LRP6: variants seen among roughly 807,000 people sequenced by gnomAD.
LRP6 encodes the protein low-density lipoprotein receptor-related protein 6.
A neutral mutation model predicts 184.1 loss-of-function variants in LRP6; 43 were observed. That is an observed-to-expected ratio of 0.23 (90% CI 0.18 to 0.30). The LOEUF (loss-of-function observed/expected upper bound fraction) is 0.30. Ranked by LOEUF, LRP6 falls within the 10% of genes least tolerant of loss-of-function variation. LRP6 has a pLI of 1.00. For missense variants in LRP6, 1,571 were observed against 2,005.3 expected, an observed-to-expected ratio of 0.78 and a Z score of 4.14; for synonymous variants, 719 against 684.9, an observed-to-expected ratio of 1.05 and a Z score of -0.78.
At position 12,117,646 on chromosome 12, in the gene LRP6, A is replaced by AT. The variant is rs1949536311; in HGVS notation, c.*3479dup. 1 of 152,228 alleles carries AT rather than the reference A, an allele frequency of 6.6e-6. No individual in the cohort carries two copies. The highest frequency in any genetic ancestry group is 1.5e-5 in the Non-Finnish European group (1 of 68,028). 9.4% of individuals were successfully genotyped at this position (152,228 alleles called of 1,614,324 possible). A position where few individuals can be genotyped will look rare whatever the true frequency, so the allele number is the denominator to read the frequency against. On this transcript the variant is annotated 3_prime_UTR_variant, in exon 23 of 23. Transcript: ENST00000261349. Reference sequence around the variant, plus strand: ...AACGCATACCTCTTCAGTCTCTATTATGACTACTGGTATCAAGTCACATAA... The same window carrying AT: ...AACGCATACCTCTTCAGTCTCTATTATTGACTACTGGTATCAAGTCACATAA...
chr12:12,170,988 A>AT (rs1863022171), intron 7 of LRP6, among the ~76,000 whole-genome samples: 1 of 152,182 alleles, frequency 6.6e-6, no homozygotes, highest in African/African-American at 2.4e-5. Flanking sequence ...GACCATAGAT[A>AT]TATTATTAGA....
chr12:12,199,068 A>G lies in LRP6; in HGVS notation c.647+4135T>C, dbSNP rs1267226933. Among the ~76,000 whole-genome samples, 6 of 152,290 alleles carry G rather than the reference A, an allele frequency of 3.9e-5. No individual in the cohort carries two copies. In the East Asian group the frequency reaches 1.2e-3, roughly 29 times the overall value. Reference sequence around the variant, plus strand: ...GCCACCATTCTTCAACAATTTGAGCAAAGTTAAATGCCAAAGGAACAACAT... The same window carrying G: ...GCCACCATTCTTCAACAATTTGAGCGAAGTTAAATGCCAAAGGAACAACAT... On this transcript the variant is annotated intron_variant, in intron 3 of 22. Coordinates refer to ENST00000261349, the MANE Select transcript of LRP6 (RefSeq NM_002336.3).
chr12:12,121,474 T>G, intron 22 of LRP6, 54 bp from the exon 23 acceptor site: 1 of 1,538,030 alleles, frequency 6.5e-7, no homozygotes. Flanking sequence ...AAAAAATGAT[T>G]TCCCCTCTCA....
intron 4 of LRP6, among the ~76,000 whole-genome samples, chr12:12,186,600 A>C (rs1246588187): frequency 4.6e-5 from 7 of 151,496 alleles, no homozygotes; most frequent in African/African-American, 1.7e-4. Flanking sequence ...GGCTGGTCTC[A>C]AACTCCTGAC....
intron 7 of LRP6, among the ~76,000 whole-genome samples, chr12:12,176,457 A>T (rs79978048): frequency 1.3e-5 from 2 of 152,348 alleles, no homozygotes; most frequent in Middle Eastern, 3.4e-3. Flanking sequence ...ATGTGACATC[A>T]TTAGCAATGC....
At chr12:12,152,507 G>A (rs1035527146) in intron 12 of LRP6, among the ~76,000 whole-genome samples, 15 of 151,882 alleles carry the variant, frequency 9.9e-5, no homozygotes, top group Middle Eastern at 3.4e-3. Flanking sequence ...GGCTGGTCTC[G>A]AACTCCTGAC....
rs1565705149 is a variant in LRP6, at chr12:12,244,321, T to C, written c.390A>G (p.Lys130=). 1.9e-6 allele frequency: 3 copies of C among 1,614,142 alleles called. No individual in the cohort carries two copies. Among genetic ancestry groups the C allele is most frequent in the East Asian group, 2.2e-5 (1 of 44,876 alleles). Residue 130 remains lysine, a synonymous_variant, in exon 2 of 23, where the codon AAA becomes AAG. Coordinates refer to ENST00000261349, the MANE Select transcript of LRP6 (RefSeq NM_002336.3). ...GATCCAACTCTTGCCAAAATAAAAC[T>C]TTTCGTAAAGATCCATCTAAATTAG... The part of the protein sequence containing the change: ...EVSNLDGSLR[K]VLFWQELDQP...
chr12:12,250,146 A>G (rs996611811), intron 1 of LRP6, among the ~76,000 whole-genome samples: 3 of 151,552 alleles, frequency 2.0e-5, no homozygotes, highest in African/African-American at 7.3e-5. Flanking sequence ...TAATACTTTC[A>G]GTTTAGCCAA....
intron 1 of LRP6, among the ~76,000 whole-genome samples, chr12:12,264,453 A>G (rs1295843342): frequency 6.6e-6 from 1 of 152,154 alleles, no homozygotes; most frequent in Non-Finnish European, 1.5e-5. Flanking sequence ...ATACCTTGTC[A>G]TGTGATGATA....
At chr12:12,216,574 G>A (rs939765651) in intron 2 of LRP6, among the ~76,000 whole-genome samples, 5 of 151,656 alleles carry the variant, frequency 3.3e-5, no homozygotes, top group African/African-American at 1.2e-4. Flanking sequence ...CAACCGTTAG[G>A]TAGAATGACA....
At chr12:12,226,258 TTATCTGATA>T (rs1864620280) in intron 2 of LRP6, among the ~76,000 whole-genome samples, 1 of 152,186 alleles carries the variant, frequency 6.6e-6, no homozygotes, top group Admixed American at 6.5e-5. Flanking sequence ...ACAATTCCTT[TTATCTGATA>T]TATCATATCC....
Position 12,203,315 on chromosome 12 carries a change from T to C in LRP6, c.535A>G (p.Ser179Gly). ...AGTCCATTTGGCCAGTAAATTTCAC[T>C]GTTTATTATAATGAAGCGACTTGAA... The part of the protein sequence containing the change: ...DGSSRFIIIN[S>G]EIYWPNGLTL... The change falls in exon 3 of 23, where the codon AGT becomes GGT. Residue 179 changes from serine (S) to glycine (G), a missense_variant. Physicochemically the swap from Ser to Gly is moderately conservative, Grantham distance 56 (BLOSUM62 0). Transcript: ENST00000261349. 3 of 1,614,114 alleles carry C rather than the reference T, an allele frequency of 1.9e-6. No individual in the cohort carries two copies. Among genetic ancestry groups the C allele is most frequent in the Non-Finnish European group, 2.5e-6 (3 of 1,179,940 alleles).
At chr12:12,247,222 A>G (rs375419294) in intron 1 of LRP6, among the ~76,000 whole-genome samples, 4 of 152,352 alleles carry the variant, frequency 2.6e-5, no homozygotes, top group East Asian at 3.9e-4. Flanking sequence ...GCATAAGGCT[A>G]AGGAATACCC....
At chr12:12,193,365 T>TC (rs1221366195) in intron 3 of LRP6, among the ~76,000 whole-genome samples, 1 of 146,346 alleles carries the variant, frequency 6.8e-6, no homozygotes, top group Non-Finnish European at 1.5e-5. Flanking sequence ...AATAAAAACA[T>TC]TAGGGTTAAA....
intron 11 of LRP6, 70 bp downstream of exon 11, chr12:12,159,710 T>C: frequency 1.4e-6 from 2 of 1,416,586 alleles, no homozygotes; most frequent in South Asian, 2.3e-5. Flanking sequence ...ATCTAACCAA[T>C]GATAAATAGC....
At chr12:12,177,845 A>T (rs1219338596) in intron 7 of LRP6, among the ~76,000 whole-genome samples, 1 of 152,166 alleles carries the variant, frequency 6.6e-6, no homozygotes. Context: ...TAAAAATAAG[A>T]TTTATGGGTG....
intron 15 of LRP6, among the ~76,000 whole-genome samples, chr12:12,143,012 T>C (rs1455459165): frequency 1.3e-5 from 2 of 152,108 alleles, no homozygotes; most frequent in Non-Finnish European, 2.9e-5. Flanking sequence ...TGAAGAAACA[T>C]GATTCTATAA....
chr12:12,244,124 T>G, intron 2 of LRP6, 138 bp downstream of exon 2: 1 of 829,444 alleles, frequency 1.2e-6, no homozygotes, highest in Middle Eastern at 3.4e-4. Flanking sequence ...CATTCAAGTC[T>G]ACTCAACAAA....
chr12:12,137,134 C>T (rs963644928), intron 16 of LRP6, among the ~76,000 whole-genome samples: 1 of 152,150 alleles, frequency 6.6e-6, no homozygotes, highest in Non-Finnish European at 1.5e-5. Context: ...AGGGCTACTC[C>T]TGTTTCTTCA....
Sources: gnomAD v4.1 joint callset for allele counts (sites outside exome capture counted in the v4.1 genomes callset) on GRCh38, gnomAD v4.1.1 for gene constraint, MANE v1.5 for transcripts, NCBI Gene and HGNC (gene_info 2026-07-23, HGNC 2026-07-21) for gene names.